ZNF385D: variants seen among roughly 807,000 people sequenced by gnomAD.
ZNF385D encodes zinc finger protein 385D.
ZNF385D carries 15 observed loss-of-function variants against 35.8 expected under a neutral mutation model. That is an observed-to-expected ratio of 0.42 (90% CI 0.28 to 0.64). The LOEUF is 0.64. Among genes scored for constraint, ZNF385D ranks in the 30% least tolerant of loss-of-function variants. ZNF385D has a pLI of 0.23. For missense variants in ZNF385D, 474 were observed against 494.6 expected (o/e 0.96, Z 0.39); for synonymous variants, 212 against 186.8 (o/e 1.13, Z -1.10).
At chr3:21,724,477 CAAAAAAAAAAAAAAAAAAAAAAA>C (rs200803155) in intron 1 of ZNF385D, among the ~76,000 whole-genome samples, 20 of 52,022 alleles carry the variant, frequency 3.8e-4, no homozygotes, top group African/African-American at 1.1e-3. Flanking sequence ...AATGGAAAGC[CAAAAAAAAAAAAAAAAAAAAAAA>C]AAAAAAAAAA....
At chr3:22,236,412 G>A (rs1042430574) in intron 2 of ZNF385D, among the ~76,000 whole-genome samples, 1 of 152,044 alleles carries the variant, frequency 6.6e-6, no homozygotes, top group Non-Finnish European at 1.5e-5. Flanking sequence ...GCTCACTGCA[G>A]CCTCAAACTC....
At chr3:22,329,483 C>G (rs1282399032) in intron 2 of ZNF385D, among the ~76,000 whole-genome samples, 1 of 151,994 alleles carries the variant, frequency 6.6e-6, no homozygotes, top group Non-Finnish European at 1.5e-5. Flanking sequence ...TATAAAGTTC[C>G]TAAGTATAGC....
At chr3:21,423,932 A>G (rs767332653) in intron 7 of ZNF385D, 31 bp downstream of exon 7, 2 of 1,587,460 alleles carry the variant, frequency 1.3e-6, no homozygotes, top group Non-Finnish European at 1.7e-6. Context: ...ATTTGGGAAT[A>G]GAGGCTGGAC....
intron 1 of ZNF385D, among the ~76,000 whole-genome samples, chr3:21,733,116 C>G (rs77169383): frequency 2.0e-5 from 3 of 151,802 alleles, no homozygotes; most frequent in Admixed American, 6.6e-5. Flanking sequence ...AGTGGATGTC[C>G]GTTGGTTTCA....
At chr3:22,023,133 G>A (rs1697324740) in intron 3 of ZNF385D, among the ~76,000 whole-genome samples, 2 of 152,256 alleles carry the variant, frequency 1.3e-5, no homozygotes, top group South Asian at 4.1e-4. Flanking sequence ...GGAGGGCACA[G>A]AATCACAAGC....
chr3:21,770,002 T>TA (rs1211161537), intron 3 of ZNF385D, among the ~76,000 whole-genome samples: 1 of 152,076 alleles, frequency 6.6e-6, no homozygotes, highest in Non-Finnish European at 1.5e-5. Flanking sequence ...TTCCCTATTT[T>TA]ACAAATGGTG....
At chr3:21,538,492 T>C (rs552439589) in intron 3 of ZNF385D, among the ~76,000 whole-genome samples, 1 of 152,282 alleles carries the variant, frequency 6.6e-6, no homozygotes, top group African/African-American at 2.4e-5. Flanking sequence ...CAAAGAAACT[T>C]GGTTCTGTAC....
At chr3:22,022,298 T>C (rs2125457545) in intron 3 of ZNF385D, among the ~76,000 whole-genome samples, 1 of 152,202 alleles carries the variant, frequency 6.6e-6, no homozygotes, top group East Asian at 1.9e-4. Context: ...ATTCATAAGT[T>C]TATCGTACAT....
intron 3 of ZNF385D, among the ~76,000 whole-genome samples, chr3:21,770,400 C>T (rs2071026143): frequency 6.6e-6 from 1 of 151,974 alleles, no homozygotes; most frequent in Admixed American, 6.6e-5. Context: ...AAGAAAAAAA[C>T]AAGGAACCCC....
intron 3 of ZNF385D, among the ~76,000 whole-genome samples, chr3:21,756,699 T>A (rs1305851768): frequency 6.6e-6 from 1 of 152,180 alleles, no homozygotes; most frequent in African/African-American, 2.4e-5. Context: ...GTGATGAATA[T>A]TTGTTGAAAG....
chr3:22,035,228 A>G lies in ZNF385D; in HGVS notation c.325+133589T>C, dbSNP rs573040643. ...CTGGGTTCAATACAACTGGTATGCT[A>G]AGAAGGAAAGGTAAAACTTTGCAAC... On this transcript the variant is annotated intron_variant, in intron 3 of 5. Transcript: ENST00000494108. Among the ~76,000 whole-genome samples, 4 of 152,328 alleles carry G rather than the reference A, an allele frequency of 2.6e-5. No individual in the cohort carries two copies. The East Asian group carries it at 7.7e-4, about 29-fold the overall frequency.
chr3:22,036,630 A>G (rs927499065), intron 3 of ZNF385D, among the ~76,000 whole-genome samples: 2 of 152,092 alleles, frequency 1.3e-5, no homozygotes, highest in African/African-American at 4.8e-5. Context: ...TACAAATTGC[A>G]AAAACAAGCA....
chr3:21,621,351 C>A (rs1278128186), intron 2 of ZNF385D, among the ~76,000 whole-genome samples: 1 of 152,044 alleles, frequency 6.6e-6, no homozygotes, highest in Non-Finnish European at 1.5e-5. Flanking sequence ...CTATCAGTTA[C>A]TAATTAACAT....
chr3:22,284,392 G>T (rs190837536), intron 2 of ZNF385D, among the ~76,000 whole-genome samples: 1 of 151,642 alleles, frequency 6.6e-6, no homozygotes, highest in Non-Finnish European at 1.5e-5. Context: ...GAGTTTCACC[G>T]TGTTAGCCAG....
intron 2 of ZNF385D, among the ~76,000 whole-genome samples, chr3:22,335,100 A>G (rs531653550): frequency 6.6e-6 from 1 of 152,284 alleles, no homozygotes; most frequent in South Asian, 2.1e-4. Flanking sequence ...TATATTTTAT[A>G]TTGAATATAA....
At chr3:21,876,359 A>G (rs2125855578) in intron 3 of ZNF385D, among the ~76,000 whole-genome samples, 1 of 151,600 alleles carries the variant, frequency 6.6e-6, no homozygotes, top group African/African-American at 2.4e-5. Context: ...GGATATAATC[A>G]TTTTGGGATG....
At chr3:22,257,365 TA>T (rs940175293) in intron 2 of ZNF385D, among the ~76,000 whole-genome samples, 2 of 151,766 alleles carry the variant, frequency 1.3e-5, no homozygotes, top group African/African-American at 4.8e-5. Flanking sequence ...ACTCATGCTA[TA>T]AAGGCACCAA....
intron 3 of ZNF385D, among the ~76,000 whole-genome samples, chr3:22,090,267 TTCATTGCA>T (rs1222527401): frequency 6.6e-6 from 1 of 152,204 alleles, no homozygotes; most frequent in Non-Finnish European, 1.5e-5. Context: ...ATTCCTATGC[TTCATTGCA>T]GTGCTGAGCT....
chr3:21,709,838 T>C (rs1250735027), intron 1 of ZNF385D, among the ~76,000 whole-genome samples: 1 of 152,210 alleles, frequency 6.6e-6, no homozygotes, highest in African/African-American at 2.4e-5. Flanking sequence ...ACGAAAAACC[T>C]ATTTGAAGAT....
Sources: allele counts gnomAD v4.1 joint callset (sites outside exome capture counted in the v4.1 genomes callset), GRCh38; gene constraint gnomAD v4.1.1; transcripts MANE v1.5; gene names NCBI Gene and HGNC (gene_info 2026-07-23, HGNC 2026-07-21).